The following NCOA1 variants were observed in gnomAD, a reference collection of about 807,000 sequenced individuals.
The protein encoded by NCOA1 is Hin-2 protein.
A neutral mutation model predicts 150.9 loss-of-function variants in NCOA1; 35 were observed. That is an observed-to-expected ratio of 0.23 (90% confidence interval 0.18 to 0.31). NCOA1 has a LOEUF of 0.31. NCOA1 is among the 10% of genes least tolerant of loss of function. NCOA1 has a pLI of 1.00. For missense variants in NCOA1, 1,491 were observed against 1,749.3 expected (o/e 0.85, Z 2.63); for synonymous variants, 590 against 630.0 (o/e 0.94, Z 0.95).
chr2:24,681,161 T>C (rs753689775), intron 7 of NCOA1, among the ~76,000 whole-genome samples: 4 of 150,754 alleles, frequency 2.7e-5, no homozygotes, highest in Non-Finnish European at 5.9e-5. Flanking sequence ...GTCAGGAGTT[T>C]AAGACCAACC....
At chr2:24,593,120 A>C (rs969412642) in intron 3 of NCOA1, among the ~76,000 whole-genome samples, 1 of 152,166 alleles carries the variant, frequency 6.6e-6, no homozygotes, top group Non-Finnish European at 1.5e-5. Flanking sequence ...AGGATCAAGA[A>C]GAGTCAAGGA....
intron 3 of NCOA1, among the ~76,000 whole-genome samples, chr2:24,642,014 G>GTT: frequency 7.3e-6 from 1 of 136,116 alleles, no homozygotes; most frequent in Non-Finnish European, 1.7e-5. Flanking sequence ...GGGCGTGTGT[G>GTT]TGTGTGTGTG....
At chr2:24,695,435 C>T (rs1256323748) in intron 10 of NCOA1, among the ~76,000 whole-genome samples, 2 of 152,108 alleles carry the variant, frequency 1.3e-5, no homozygotes, top group Non-Finnish European at 2.9e-5. Context: ...TATTACATTA[C>T]TTTTCACTAA....
chr2:24,704,742 T>C (rs758332604), intron 11 of NCOA1, among the ~76,000 whole-genome samples: 19 of 151,508 alleles, frequency 1.3e-4, no homozygotes, highest in Non-Finnish European at 2.9e-5. Context: ...CACTGCACTC[T>C]AGCCTGGGCG....
chr2:24,562,660 A>C (rs768704276), intron 1 of NCOA1, among the ~76,000 whole-genome samples: 74 of 152,150 alleles, frequency 4.9e-4, no homozygotes, highest in Non-Finnish European at 9.8e-4. Flanking sequence ...TGAGACCATA[A>C]TTTTATAGCA....
intron 4 of NCOA1, among the ~76,000 whole-genome samples, chr2:24,656,771 A>G (rs923051681): frequency 2.6e-5 from 4 of 152,198 alleles, no homozygotes; most frequent in Non-Finnish European, 5.9e-5. Flanking sequence ...AAGTTTGTCC[A>G]TGTTGCCATG....
chr2:24,510,874 C>T (rs547379739), intron 1 of NCOA1, among the ~76,000 whole-genome samples: 2 of 152,268 alleles, frequency 1.3e-5, no homozygotes, highest in African/African-American at 4.8e-5. Flanking sequence ...TTCCATAAGT[C>T]ACCCTGTTAA....
intron 3 of NCOA1, among the ~76,000 whole-genome samples, chr2:24,610,348 A>G (rs1005001276): frequency 2.0e-5 from 3 of 151,606 alleles, no homozygotes; most frequent in African/African-American, 4.8e-5. Flanking sequence ...TTACCGTGTT[A>G]GCCAGGATGG....
intron 6 of NCOA1, among the ~76,000 whole-genome samples, chr2:24,671,995 ACAATTCATTTT>A (rs1384498456): frequency 6.6e-6 from 1 of 152,144 alleles, no homozygotes; most frequent in African/African-American, 2.4e-5. Context: ...CAGCACAGAC[ACAATTCATTTT>A]CAAATATTTT....
At position 24,769,834 on chromosome 2, in the gene NCOA1, A is replaced by AC. The variant is rs1665236688; in HGVS notation, c.*1448dup. On this transcript the variant is annotated 3_prime_UTR_variant, in exon 23 of 23. Transcript: ENST00000348332. ...GGTATTGTGGAAGAAGCAAAGGTAG[A>AC]CCCCCATCACTCACCTTTGTCTGCA... 1 of 223,264 alleles carries AC rather than the reference A, an allele frequency of 4.5e-6. No individual in the cohort carries two copies. The allele number at this position is 223,264 out of a possible 1,614,324, so 13.8% of individuals were successfully genotyped here. A position where few individuals can be genotyped will look rare whatever the true frequency, so the allele number is the denominator to read the frequency against.
intron 17 of NCOA1, 28 bp downstream of exon 17, chr2:24,729,843 CTTTT>C: frequency 2.2e-6 from 3 of 1,346,380 alleles, no homozygotes; most frequent in South Asian, 1.3e-5. Context: ...GCAGTTGATA[CTTTT>C]TTTTTTTTTG....
At chr2:24,506,355 A>G (rs1377369820) in intron 1 of NCOA1, among the ~76,000 whole-genome samples, 1 of 152,092 alleles carries the variant, frequency 6.6e-6, no homozygotes, top group African/African-American at 2.4e-5. Flanking sequence ...CTGGGGGTAC[A>G]TGTCTCAGTT....
chr2:24,521,744 C>T (rs1354110239), intron 1 of NCOA1, among the ~76,000 whole-genome samples: 1 of 152,024 alleles, frequency 6.6e-6, no homozygotes, highest in African/African-American at 2.4e-5. Flanking sequence ...TGATGTATAC[C>T]CAGAAGTAGG....
intron 3 of NCOA1, among the ~76,000 whole-genome samples, chr2:24,640,414 G>T (rs1296166174): frequency 6.6e-6 from 1 of 152,006 alleles, no homozygotes; most frequent in Non-Finnish European, 1.5e-5. Context: ...TATTGAGAGA[G>T]GAATGTTAAA....
chr2:24,585,746 GA>G (rs1417647107), intron 3 of NCOA1, among the ~76,000 whole-genome samples: 2 of 152,050 alleles, frequency 1.3e-5, no homozygotes, highest in Non-Finnish European at 2.9e-5. Flanking sequence ...CCCAATGTAA[GA>G]TTTTCATATA....
intron 1 of NCOA1, among the ~76,000 whole-genome samples, chr2:24,543,867 G>A (rs1272507502): frequency 1.3e-5 from 2 of 151,218 alleles, no homozygotes; most frequent in South Asian, 4.2e-4. Context: ...TTTTAATAAT[G>A]AAAAGTGATA....
chr2:24,541,684 A>G (rs1665404978), intron 1 of NCOA1, among the ~76,000 whole-genome samples: 1 of 152,232 alleles, frequency 6.6e-6, no homozygotes, highest in Non-Finnish European at 1.5e-5. Flanking sequence ...TCTGAAAAAG[A>G]TTTTAACACT....
At chr2:24,599,146 A>G (rs1212402552) in intron 3 of NCOA1, among the ~76,000 whole-genome samples, 1 of 152,204 alleles carries the variant, frequency 6.6e-6, no homozygotes, top group African/African-American at 2.4e-5. Flanking sequence ...TGTAAGAATG[A>G]TGTTGTTAAT....
chr2:24,630,885 CAAAT>C (rs1391807300), intron 3 of NCOA1, among the ~76,000 whole-genome samples: 13 of 152,062 alleles, frequency 8.5e-5, no homozygotes, highest in Admixed American at 6.5e-4. Context: ...ATGGGAAAGT[CAAAT>C]AAACTTTATA....
Sources: allele counts gnomAD v4.1 joint callset (sites outside exome capture counted in the v4.1 genomes callset), GRCh38; gene constraint gnomAD v4.1.1; transcripts MANE v1.5; gene names NCBI Gene and HGNC (gene_info 2026-07-23, HGNC 2026-07-21).